CCDC181: variants seen among roughly 807,000 people sequenced by gnomAD.
CCDC181 encodes coiled-coil domain-containing protein 181.
CCDC181 carries 35 observed loss-of-function variants against 58.7 expected under a neutral mutation model. The ratio of observed to expected loss-of-function variants is 0.60; its 90% confidence interval spans 0.46 to 0.79. CCDC181 has a LOEUF of 0.79. Among genes scored for constraint, CCDC181 ranks in the 30% least tolerant of loss-of-function variants. The pLI is 0.00. For missense variants in CCDC181, 517 were observed against 583.9 expected (o/e 0.89, Z 1.18); for synonymous variants, 183 against 197.5 (o/e 0.93, Z 0.62).
At chr1:169,407,492 T>C (rs1356988010) in intron 4 of CCDC181, among the ~76,000 whole-genome samples, 2 of 151,550 alleles carry the variant, frequency 1.3e-5, no homozygotes, top group East Asian at 3.9e-4. Context: ...TTAAAAAGTA[T>C]ATAAGAAAAT....
Position 169,395,022 on chromosome 1 carries a change from C to A in CCDC181, c.*25G>T. 1.3e-6 allele frequency: 2 copies of A among 1,555,616 alleles called. No homozygotes were observed. The highest frequency in any genetic ancestry group is 2.0e-5 in the Admixed American group (1 of 50,452). On this transcript the variant is annotated 3_prime_UTR_variant, in exon 6 of 6. Coordinates refer to ENST00000367806, the MANE Select transcript of CCDC181 (RefSeq NM_001300969.2). Reference sequence around the variant, plus strand: ...TATCCAAAATTTTGATAGCAGCTGCCCACTGAAATATTTAATAGAAACTTT... The same window carrying A: ...TATCCAAAATTTTGATAGCAGCTGCACACTGAAATATTTAATAGAAACTTT...
chr1:169,421,092 C>T (rs1360104031), intron 3 of CCDC181, among the ~76,000 whole-genome samples: 1 of 152,110 alleles, frequency 6.6e-6, no homozygotes, highest in Non-Finnish European at 1.5e-5. Flanking sequence ...TGAGTCTCAC[C>T]TTTAAAATGA....
chr1:169,455,358 A>G (rs1657654699), intron 2 of CCDC181, among the ~76,000 whole-genome samples: 1 of 152,082 alleles, frequency 6.6e-6, no homozygotes, highest in African/African-American at 2.4e-5. Flanking sequence ...GTGACTTTCC[A>G]ACTTAAAGCT....
intron 2 of CCDC181, among the ~76,000 whole-genome samples, chr1:169,438,556 C>T (rs756260698): frequency 3.9e-5 from 6 of 152,194 alleles, no homozygotes; most frequent in Non-Finnish European, 5.9e-5. Flanking sequence ...TTTTTCATCC[C>T]AGCAAAATAC....
Position 169,421,698 on chromosome 1 carries a change from C to A in CCDC181, c.733G>T (p.Ala245Ser). 1.2e-6 allele frequency: 2 copies of A among 1,614,026 alleles called. No homozygotes were observed. ...SQGFLPPINN[A>S]NSTENDPQQL... Reference sequence around the variant, plus strand: ...TGAGGGTCATTTTCTGTACTATTTGCATTATTAATGGGAGGCAAAAACCCC... The same window carrying A: ...TGAGGGTCATTTTCTGTACTATTTGAATTATTAATGGGAGGCAAAAACCCC... Residue 245 changes from alanine (A) to serine (S), a missense_variant, in exon 3 of 6, where the codon GCA becomes TCA. Physicochemically the swap from Ala to Ser is moderately conservative, Grantham distance 99. Coordinates refer to ENST00000367806, the MANE Select transcript of CCDC181 (RefSeq NM_001300969.2).
chr1:169,405,186 T>C (rs1005624319), intron 4 of CCDC181, among the ~76,000 whole-genome samples: 1 of 152,234 alleles, frequency 6.6e-6, no homozygotes, highest in Admixed American at 6.5e-5. Context: ...GAACATTCCA[T>C]GTTCATAGAT....
intron 2 of CCDC181, among the ~76,000 whole-genome samples, chr1:169,424,112 A>G (rs1256169087): frequency 6.6e-6 from 1 of 151,952 alleles, no homozygotes; most frequent in Non-Finnish European, 1.5e-5. Context: ...ATATATATAC[A>G]CACATACATA....
In CCDC181 at chr1:169,397,278, G is replaced by A. The variant is rs2272801; in HGVS notation, c.1329C>T (p.Phe443=). ...EELRKQEECL[F]FLKGTEGRER... is the part of the protein sequence containing the mutation. ...CCCGGCCTTCTGTTCCTTTAAGGAA[G>A]AATAAACATTCCTCTTGCTTTCTTA... Residue 443 remains phenylalanine (F), a synonymous_variant, in exon 5 of 6, where the codon TTC becomes TTT. Transcript: ENST00000367806. 0.05 allele frequency: 81,175 copies of A among 1,609,168 alleles called. 12,559 individuals are homozygous for A. The East Asian group carries it at 0.67, about 13-fold the overall frequency.
chr1:169,418,702 G>C (rs2102083590), intron 4 of CCDC181: 1 of 350,554 alleles, frequency 2.9e-6, no homozygotes, highest in African/African-American at 2.1e-5. Flanking sequence ...CAGTCTCTAG[G>C]GTTTTGTGGG....
rs190947933 is a variant in CCDC181, at chr1:169,438,448, A to G, written c.-23-13498T>C. On this transcript the variant is annotated intron_variant, in intron 2 of 6. Transcript: ENST00000545005. Reference sequence around the variant, plus strand: ...CTGTGAGGGTCAAGCCACTTAAAAAAAGAAAATCATCCTTTTCTGTTTTAT... The same window carrying G: ...CTGTGAGGGTCAAGCCACTTAAAAAGAGAAAATCATCCTTTTCTGTTTTAT... 3.7e-4 allele frequency among the ~76,000 whole-genome samples: 56 copies of G among 152,358 alleles called. No homozygotes were observed. In the East Asian group the frequency reaches 9.8e-3, roughly 27 times the overall value.
At chr1:169,459,102 A>G (rs765315307) in intron 2 of CCDC181, among the ~76,000 whole-genome samples, 10 of 152,172 alleles carry the variant, frequency 6.6e-5, no homozygotes, top group Non-Finnish European at 1.3e-4. Flanking sequence ...TATTTCTCCA[A>G]ATTTCCTACC....
intron 4 of CCDC181, among the ~76,000 whole-genome samples, chr1:169,407,055 C>T (rs1381966658): frequency 3.8e-5 from 2 of 53,026 alleles, no homozygotes; most frequent in Non-Finnish European, 7.9e-5. Context: ...AAAGATGAGG[C>T]AGAAAAAAAA....
intron 4 of CCDC181, among the ~76,000 whole-genome samples, chr1:169,402,571 A>G (rs1307815831): frequency 2.0e-5 from 3 of 152,178 alleles, no homozygotes; most frequent in African/African-American, 7.2e-5. Context: ...TCATAAGTGA[A>G]GGAGAAATAA....
intron 2 of CCDC181, among the ~76,000 whole-genome samples, chr1:169,435,590 T>C (rs1002482511): frequency 6.6e-6 from 1 of 152,306 alleles, no homozygotes; most frequent in East Asian, 1.9e-4. Flanking sequence ...GATCATAATA[T>C]TTGCCTTATT....
rs1656354330 is a variant in CCDC181 at position 169,419,174 on chromosome 1, T to A, written c.1069-15A>T. 1.3e-6 allele frequency: 2 copies of A among 1,551,848 alleles called. No homozygotes were observed. Among genetic ancestry groups the A allele is most frequent in the South Asian group, 2.3e-5 (2 of 85,326 alleles). ...CGTCGCTCTTCCTAGTAAAAGAATA[T>A]GAAAAGACATTAATGGAAGATTAAT... is the stretch of plus-strand genomic sequence containing the variant. On this transcript the variant is annotated splice_polypyrimidine_tract_variant and intron_variant, in intron 3 of 5. Transcript: ENST00000367806.
chr1:169,397,117 G>T, intron 5 of CCDC181, 120 bp downstream of exon 5: 1 of 717,836 alleles, frequency 1.4e-6, no homozygotes, highest in South Asian at 3.6e-5. Context: ...AAATTGAATA[G>T]GTACGTGCTG....
intron 4 of CCDC181, among the ~76,000 whole-genome samples, chr1:169,413,932 T>A (rs1321173028): frequency 6.6e-6 from 1 of 152,062 alleles, no homozygotes; most frequent in Admixed American, 6.6e-5. Flanking sequence ...GACGGGTTGA[T>A]GGGTACAGCA....
intron 4 of CCDC181, among the ~76,000 whole-genome samples, chr1:169,402,276 C>A (rs1056434713): frequency 2.7e-4 from 41 of 152,036 alleles, no homozygotes; most frequent in African/African-American, 9.4e-4. Context: ...GCAAGGCAGG[C>A]CAACATTCAA....
chr1:169,435,080 G>A (rs149252919), intron 2 of CCDC181, among the ~76,000 whole-genome samples: 1 of 151,970 alleles, frequency 6.6e-6, no homozygotes, highest in African/African-American at 2.4e-5. Context: ...ACTTAAAAAT[G>A]GTTAAGATAA....
Sources: allele counts gnomAD v4.1 joint callset (sites outside exome capture counted in the v4.1 genomes callset), GRCh38; gene constraint gnomAD v4.1.1; transcripts MANE v1.5; gene names NCBI Gene and HGNC (gene_info 2026-07-23, HGNC 2026-07-21).